Variants in RAB11FIP4 observed in about 807,000 individuals in gnomAD.
RAB11FIP4 encodes rab11 family-interacting protein 4.
In RAB11FIP4, 23 loss-of-function variants were observed where a neutral mutation model predicts 74.3. That is an observed-to-expected ratio of 0.31 (90% CI 0.22 to 0.44). The LOEUF (loss-of-function observed/expected upper bound fraction) is 0.44, where lower values mean the gene tolerates loss of function less well. Among genes scored for constraint, RAB11FIP4 ranks in the 20% least tolerant of loss-of-function variants. The probability of loss-of-function intolerance (pLI) is 1.00; values close to 1 mark genes in which losing one functional copy is unlikely to be tolerated. For missense variants in RAB11FIP4, 630 were observed against 863.9 expected, an observed-to-expected ratio of 0.73 and a Z score of 3.39; for synonymous variants, 360 against 359.9, an observed-to-expected ratio of 1.00 and a Z score of 0.00.
At chr17:31,492,740 T>C (rs1000359706) in intron 3 of RAB11FIP4, among the ~76,000 whole-genome samples, 5 of 152,188 alleles carry the variant, frequency 3.3e-5, no homozygotes, top group African/African-American at 1.2e-4. Flanking sequence ...GAATTTGTCA[T>C]TGGCCAGCTT....
At chr17:31,501,893 G>A (rs1228678795) in intron 3 of RAB11FIP4, 1 of 154,744 alleles carries the variant, frequency 6.5e-6, no homozygotes, top group African/African-American at 2.4e-5. Flanking sequence ...TACTGACTGT[G>A]GATCACTTTG....
chr17:31,403,091 G>A (rs1253405665), intron 1 of RAB11FIP4, among the ~76,000 whole-genome samples: 8 of 141,302 alleles, frequency 5.7e-5, no homozygotes, highest in South Asian at 2.3e-4. Flanking sequence ...TTTCTTCACC[G>A]CCCCGCCCCC....
At position 31,521,927 on chromosome 17, in the gene RAB11FIP4, G is replaced by A. The variant is rs372143570; in HGVS notation, c.771G>A (p.Thr257=). 34 of 1,614,042 alleles carry A rather than the reference G, an allele frequency of 2.1e-5. No homozygotes were observed. Among genetic ancestry groups the A allele is most frequent in the Admixed American group, 1.5e-4 (9 of 60,004 alleles). ...CCTCATGAATCAGTGCGGGGCAGAC[G>A]CCTAGGAAAATGCGGCACGTGTACA... ...GSSVSSSAGQ[T]PRKMRHVYNS... Residue 257 remains threonine (T), a synonymous_variant, in exon 6 of 15, where the codon ACG becomes ACA. Coordinates refer to ENST00000621161, the MANE Select transcript of RAB11FIP4 (RefSeq NM_032932.6).
chr17:31,453,086 C>T (rs1169345517), intron 3 of RAB11FIP4, among the ~76,000 whole-genome samples: 1 of 152,060 alleles, frequency 6.6e-6, no homozygotes, highest in Non-Finnish European at 1.5e-5. Flanking sequence ...CACGGTGGCT[C>T]ACGCCTGTAA....
At chr17:31,466,749 G>A (rs1480786852) in intron 3 of RAB11FIP4, among the ~76,000 whole-genome samples, 1 of 152,172 alleles carries the variant, frequency 6.6e-6, no homozygotes, top group Non-Finnish European at 1.5e-5. Flanking sequence ...CCCAGTCCCA[G>A]TAGCCAGGAA....
chr17:31,444,428 T>C (rs1272709747), intron 3 of RAB11FIP4, among the ~76,000 whole-genome samples: 1 of 152,010 alleles, frequency 6.6e-6, no homozygotes, highest in Non-Finnish European at 1.5e-5. Flanking sequence ...TCGATTTGTG[T>C]CTTTGGGAAA....
chr17:31,476,706 C>T (rs1452864666), intron 3 of RAB11FIP4, among the ~76,000 whole-genome samples: 2 of 152,204 alleles, frequency 1.3e-5, no homozygotes, highest in African/African-American at 4.8e-5. Flanking sequence ...GCCTGCCTCC[C>T]CACTGCACTG....
In RAB11FIP4 at chr17:31,528,487, G is replaced by T; in HGVS notation, c.1438G>T (p.Asp480Tyr). The T allele has an allele frequency of 1.2e-6, 2 of 1,613,788 alleles. No individual in the cohort carries two copies. The highest frequency in any genetic ancestry group is 1.7e-6 in the Non-Finnish European group (2 of 1,180,034). Residue 480 changes from aspartate (D) to tyrosine (Y), a missense_variant, in exon 12 of 15, where the codon GAC becomes TAC. Transcript: ENST00000621161. ...GATGGACCTGTACAAGCGCATGATG[G>T]ACAAGCTGCGACAGAACCGCCTTGA... ...DEMDLYKRMM[D>Y]KLRQNRLEFQ...
In RAB11FIP4 at chr17:31,522,069, G is replaced by C. The variant is rs755905554; in HGVS notation, c.893+20G>C. On this transcript the variant is annotated intron_variant, in intron 6 of 14. Transcript: ENST00000621161. ...CAACAGGTGAGGCCCAGGCCCAGCT[G>C]GGGGGTGAGAGGCCGGGGGGCCAGG... 36 of 1,612,008 alleles carry C rather than the reference G, an allele frequency of 2.2e-5. No individual in the cohort carries two copies. In the East Asian group the frequency reaches 2.3e-4, roughly 10 times the overall value.
In RAB11FIP4 at chr17:31,462,706, G is replaced by T. The variant is rs190891413; in HGVS notation, c.336+28584G>T. Among the ~76,000 whole-genome samples, 19 of 152,132 alleles carry T rather than the reference G, an allele frequency of 1.2e-4. No homozygotes were observed. In the East Asian group the frequency reaches 3.7e-3, roughly 29 times the overall value. ...GGCTGGAGTGCAGTGGTGTGATTTT[G>T]GCTCACTGCAACCTCCGCCTCCTGG... is the stretch of plus-strand genomic sequence containing the variant. On this transcript the variant is annotated intron_variant, in intron 3 of 14. Coordinates refer to ENST00000621161, the MANE Select transcript of RAB11FIP4 (RefSeq NM_032932.6).
intron 3 of RAB11FIP4, among the ~76,000 whole-genome samples, chr17:31,511,515 C>T (rs2142793437): frequency 6.6e-6 from 1 of 152,356 alleles, no homozygotes. Flanking sequence ...CTGCCATGTG[C>T]TCTCTACAGT....
At chr17:31,435,352 A>G (rs1567654678) in intron 3 of RAB11FIP4, among the ~76,000 whole-genome samples, 1 of 152,134 alleles carries the variant, frequency 6.6e-6, no homozygotes, top group Non-Finnish European at 1.5e-5. Context: ...GACAAAGACC[A>G]CAGTCCCCAA....
chr17:31,405,677 A>T (rs1488522658), intron 1 of RAB11FIP4, among the ~76,000 whole-genome samples: 1 of 152,234 alleles, frequency 6.6e-6, no homozygotes, highest in East Asian at 1.9e-4. Context: ...AAAAGCAAAA[A>T]AATTATCAAA....
chr17:31,412,491 C>CT (rs779574559), intron 1 of RAB11FIP4, among the ~76,000 whole-genome samples: 6 of 152,252 alleles, frequency 3.9e-5, no homozygotes, highest in Admixed American at 1.3e-4. Flanking sequence ...TTGACACTCT[C>CT]TAAGAAATGC....
chr17:31,420,889 G>T (rs999200695), intron 1 of RAB11FIP4, among the ~76,000 whole-genome samples: 1 of 152,094 alleles, frequency 6.6e-6, no homozygotes. Context: ...TTCAAGCCCA[G>T]CCTGACCCAT....
At chr17:31,411,763 G>A (rs940531884) in intron 1 of RAB11FIP4, among the ~76,000 whole-genome samples, 2 of 152,364 alleles carry the variant, frequency 1.3e-5, no homozygotes, top group East Asian at 3.9e-4. Flanking sequence ...TGTGGCCCTT[G>A]GCCCTGCCAT....
intron 7 of RAB11FIP4, chr17:31,522,936 T>C (rs2072695990): frequency 5.7e-6 from 1 of 174,680 alleles, no homozygotes; most frequent in Admixed American, 5.4e-5. Context: ...ATCAGGGAGC[T>C]GGAAGGGGAT....
At chr17:31,481,442 G>A (rs1319146454) in intron 3 of RAB11FIP4, among the ~76,000 whole-genome samples, 1 of 152,168 alleles carries the variant, frequency 6.6e-6, no homozygotes, top group East Asian at 1.9e-4. Flanking sequence ...GCTTCTAGCT[G>A]AGTTAATAGC....
At chr17:31,394,796 A>T (rs1310757730) in intron 1 of RAB11FIP4, among the ~76,000 whole-genome samples, 3 of 152,080 alleles carry the variant, frequency 2.0e-5, no homozygotes, top group Admixed American at 2.0e-4. Flanking sequence ...GCCCCGAGGC[A>T]CTTGTAGGGG....
Sources: allele counts gnomAD v4.1 joint callset (sites outside exome capture counted in the v4.1 genomes callset), GRCh38; gene constraint gnomAD v4.1.1; transcripts MANE v1.5; gene names NCBI Gene and HGNC (gene_info 2026-07-23, HGNC 2026-07-21).